ANKS1B: variants seen among roughly 807,000 people sequenced by gnomAD.
ANKS1B encodes ankyrin repeat and sterile alpha motif domain-containing protein 1B.
Under a neutral mutation model 148.3 loss-of-function variants are expected in ANKS1B, and 36 were observed. The observed-to-expected ratio is 0.24, with a 90% confidence interval of 0.19 to 0.32. The LOEUF is 0.32. ANKS1B is among the 10% of genes least tolerant of loss of function. The pLI, the probability that ANKS1B is intolerant of heterozygous loss-of-function variation, is 1.00. For synonymous variants in ANKS1B, 542 were observed against 560.8 expected (o/e 0.97, Z 0.47); for missense variants, 1,157 against 1,542.6 (o/e 0.75, Z 4.19).
chr12:99,334,815 G>A (rs1204158165), intron 12 of ANKS1B, among the ~76,000 whole-genome samples: 1 of 152,058 alleles, frequency 6.6e-6, no homozygotes, highest in Non-Finnish European at 1.5e-5. Context: ...AGGTGTCCCA[G>A]GAGACTAGTT....
intron 10 of ANKS1B, among the ~76,000 whole-genome samples, chr12:99,471,027 A>G (rs889725081): frequency 1.3e-5 from 2 of 152,148 alleles, no homozygotes; most frequent in African/African-American, 4.8e-5. Context: ...ATTTAGACAT[A>G]CTTTGGGAAA....
chr12:99,411,597 C>G (rs11109827), intron 11 of ANKS1B, among the ~76,000 whole-genome samples: 1 of 151,938 alleles, frequency 6.6e-6, no homozygotes, highest in Non-Finnish European at 1.5e-5. Context: ...ATACATATGA[C>G]GAAAATATTT....
chr12:98,770,677 A>G (rs2098554296), intron 25 of ANKS1B, among the ~76,000 whole-genome samples: 1 of 152,122 alleles, frequency 6.6e-6, no homozygotes, highest in Non-Finnish European at 1.5e-5. Context: ...TTAAAAACCA[A>G]AAGGGGTGAG....
intron 17 of ANKS1B, among the ~76,000 whole-genome samples, chr12:98,937,895 GGAGAGA>G: frequency 6.7e-6 from 1 of 150,136 alleles, no homozygotes; most frequent in Non-Finnish European, 1.5e-5. Flanking sequence ...CATGGCAGCA[GGAGAGA>G]GAGAGAGAGA....
chr12:99,042,010 C>CAACAA (rs781231663), intron 17 of ANKS1B, among the ~76,000 whole-genome samples: 5 of 151,734 alleles, frequency 3.3e-5, no homozygotes, highest in East Asian at 3.9e-4. Context: ...GAAACAACAA[C>CAACAA]AACAAAACAA....
intron 16 of ANKS1B, among the ~76,000 whole-genome samples, chr12:99,056,139 T>G (rs1233940572): frequency 6.6e-6 from 1 of 152,166 alleles, no homozygotes; most frequent in Non-Finnish European, 1.5e-5. Flanking sequence ...ATTTAATCAA[T>G]GCCTATTCTG....
Position 99,835,879 on chromosome 12 carries a change from C to T in ANKS1B, c.135-10490G>A, listed in dbSNP as rs557435481. On this transcript the variant is annotated intron_variant, in intron 1 of 26. Transcript: ENST00000683438. ...CTGTGTTACAAACCACCATAGCACA[C>T]GTTTACCTATGTAACAAAACTGCAC... is the stretch of plus-strand genomic sequence containing the variant. Among the ~76,000 whole-genome samples the T allele has an allele frequency of 6.6e-5, 10 of 152,252 alleles. No individual in the cohort carries two copies. In the South Asian group the frequency reaches 1.5e-3, roughly 22 times the overall value.
intron 12 of ANKS1B, among the ~76,000 whole-genome samples, chr12:99,330,903 A>T (rs2087400338): frequency 6.6e-6 from 1 of 151,986 alleles, no homozygotes; most frequent in Non-Finnish European, 1.5e-5. Flanking sequence ...AAACCATTTA[A>T]TACTTAGTGT....
At chr12:99,526,169 A>G (rs1354495378) in intron 9 of ANKS1B, among the ~76,000 whole-genome samples, 5 of 152,234 alleles carry the variant, frequency 3.3e-5, no homozygotes, top group Non-Finnish European at 7.3e-5. Flanking sequence ...GTTTGAAAAA[A>G]ATGGGCACTT....
At chr12:99,790,215 A>G (rs181893575) in intron 4 of ANKS1B, among the ~76,000 whole-genome samples, 1 of 152,304 alleles carries the variant, frequency 6.6e-6, no homozygotes, top group Non-Finnish European at 1.5e-5. Flanking sequence ...GGCATGACAT[A>G]TTTAAAGTGC....
At chr12:99,771,263 T>C (rs1377127442) in intron 8 of ANKS1B, among the ~76,000 whole-genome samples, 1 of 152,114 alleles carries the variant, frequency 6.6e-6, no homozygotes, top group African/African-American at 2.4e-5. Context: ...CATCAAATAT[T>C]ACTAGAAATG....
At chr12:99,061,942 G>A (rs1286842119) in intron 16 of ANKS1B, among the ~76,000 whole-genome samples, 1 of 152,092 alleles carries the variant, frequency 6.6e-6, no homozygotes, top group Admixed American at 6.5e-5. Context: ...AAAAATGCAG[G>A]GAAACCCCAA....
At chr12:99,328,860 A>T (rs1420515976) in intron 12 of ANKS1B, among the ~76,000 whole-genome samples, 1 of 151,950 alleles carries the variant, frequency 6.6e-6, no homozygotes, top group Non-Finnish European at 1.5e-5. Flanking sequence ...ACTGTGTTCC[A>T]TATTTTAAAA....
intron 7 of ANKS1B, among the ~76,000 whole-genome samples, chr12:99,773,304 T>C (rs1294896483): frequency 1.3e-5 from 2 of 152,158 alleles, no homozygotes; most frequent in East Asian, 3.8e-4. Context: ...TTATTCTTTT[T>C]CAAAATAGAA....
chr12:99,624,503 T>C, intron 9 of ANKS1B, among the ~76,000 whole-genome samples: 1 of 152,052 alleles, frequency 6.6e-6, no homozygotes, highest in East Asian at 1.9e-4. Context: ...ACTATGCCTC[T>C]GACAAAGGAC....
chr12:98,817,531 C>T (rs972844903), intron 19 of ANKS1B, among the ~76,000 whole-genome samples: 1 of 152,218 alleles, frequency 6.6e-6, no homozygotes, highest in Non-Finnish European at 1.5e-5. Flanking sequence ...CTTCTTCCTG[C>T]CCACCATCGG....
At chr12:99,540,614 T>C (rs543339912) in intron 9 of ANKS1B, among the ~76,000 whole-genome samples, 1 of 152,142 alleles carries the variant, frequency 6.6e-6, no homozygotes, top group Admixed American at 6.5e-5. Context: ...TAATTTCAAA[T>C]GAATGAAGAC....
At position 99,204,662 on chromosome 12, in the gene ANKS1B, A is replaced by G. The variant is rs116016332; in HGVS notation, c.2419+39680T>C. 8.6e-3 allele frequency among the ~76,000 whole-genome samples: 1,310 copies of G among 152,276 alleles called. 22 individuals carry two copies. Among genetic ancestry groups the G allele is most frequent in the African/African-American group, 0.03 (1,256 of 41,566 alleles). On this transcript the variant is annotated intron_variant, in intron 14 of 26. Coordinates refer to ENST00000683438, the MANE Select transcript of ANKS1B (RefSeq NM_001352186.2). Reference sequence around the variant, plus strand: ...TTTCAAGTACTTTGTAGTGGGCTGCATGTCTGTTTTGACGATTCCCCCCTA... The same window carrying G: ...TTTCAAGTACTTTGTAGTGGGCTGCGTGTCTGTTTTGACGATTCCCCCCTA...
intron 8 of ANKS1B, among the ~76,000 whole-genome samples, chr12:99,748,019 G>C (rs1252848356): frequency 6.6e-6 from 1 of 152,020 alleles, no homozygotes; most frequent in Non-Finnish European, 1.5e-5. Flanking sequence ...ATTCTTAAAG[G>C]TAGAGACTTA....
Sources: gnomAD v4.1 joint callset for allele counts (sites outside exome capture counted in the v4.1 genomes callset) on GRCh38, gnomAD v4.1.1 for gene constraint, MANE v1.5 for transcripts, NCBI Gene and HGNC (gene_info 2026-07-23, HGNC 2026-07-21) for gene names.